The following KIFC3 variants were observed in gnomAD, a reference collection of about 807,000 sequenced individuals.
KIFC3 encodes the protein kinesin family member C3, also known as kinesin-like protein KIFC3.
KIFC3 carries 60 observed loss-of-function variants against 101.8 expected under a neutral mutation model. The observed-to-expected ratio is 0.59, with a 90% CI of 0.48 to 0.73. The LOEUF is 0.73. Among genes scored for constraint, KIFC3 ranks in the 30% least tolerant of loss-of-function variants. The pLI is 0.00. For synonymous variants in KIFC3, 476 were observed against 482.7 expected (o/e 0.99, Z 0.18); for missense variants, 966 against 1,137.1 (o/e 0.85, Z 2.16).
chr16:57,790,809 A>C, intron 3 of KIFC3: 6 of 580,868 alleles, frequency 1.0e-5, no homozygotes, highest in Non-Finnish European at 1.3e-5. Context: ...ACAATCAAAA[A>C]GCCAATACAG....
intron 1 of KIFC3, among the ~76,000 whole-genome samples, chr16:57,837,880 T>C (rs2149306432): frequency 6.6e-6 from 1 of 152,258 alleles, no homozygotes; most frequent in South Asian, 2.1e-4. Context: ...ACTTGCTTGC[T>C]GCGTGGATGG....
At chr16:57,832,834 C>T (rs375292428) in intron 1 of KIFC3, among the ~76,000 whole-genome samples, 58 of 152,248 alleles carry the variant, frequency 3.8e-4, no homozygotes, top group African/African-American at 1.2e-3. Context: ...GACATCCCTA[C>T]GGATATTTAG....
At position 57,775,930 on chromosome 16, in the gene KIFC3, C is replaced by T. The variant is rs566912407; in HGVS notation, c.316-3642G>A. 169 of 985,568 alleles carry T rather than the reference C, an allele frequency of 1.7e-4. No homozygotes were observed. The African/African-American group carries it at 2.8e-3, about 16-fold the overall frequency. 61.1% of individuals were successfully genotyped at this position (985,568 alleles called of 1,614,324 possible). ...TGAATCACGGGCCTGCTGCAGGGGG[C>T]GTCACCCTGCCTGCTCAAGGGGAAG... On this transcript the variant is annotated intron_variant, in intron 3 of 19. Transcript: ENST00000445690.
intron 3 of KIFC3, chr16:57,775,152 T>C: frequency 7.3e-7 from 1 of 1,364,514 alleles, no homozygotes; most frequent in Non-Finnish European, 9.4e-7. Context: ...GCTCCTGGGC[T>C]CTGTCCAGAA....
chr16:57,859,839 T>G (rs1473273960), intron 1 of KIFC3, among the ~76,000 whole-genome samples: 1 of 151,594 alleles, frequency 6.6e-6, no homozygotes, highest in Non-Finnish European at 1.5e-5. Context: ...CTGGCCAACA[T>G]GGTGAAACCT....
intron 11 of KIFC3, chr16:57,764,491 C>T: frequency 3.9e-6 from 2 of 518,866 alleles, no homozygotes; most frequent in Non-Finnish European, 7.0e-6. Context: ...TCCCCCAGCT[C>T]CTCCTGCTCT....
At chr16:57,841,582 G>A (rs2055810600) in intron 1 of KIFC3, among the ~76,000 whole-genome samples, 2 of 152,114 alleles carry the variant, frequency 1.3e-5, no homozygotes, top group Admixed American at 1.3e-4. Flanking sequence ...CAGGAGAATT[G>A]TTTGAAGCCG....
chr16:57,793,699 C>T (rs1383487304), intron 3 of KIFC3, among the ~76,000 whole-genome samples: 1 of 151,718 alleles, frequency 6.6e-6, no homozygotes, highest in Non-Finnish European at 1.5e-5. Context: ...TGTGATGATG[C>T]ACACCTGTAA....
At chr16:57,774,588 T>G (rs1165157051) in intron 3 of KIFC3, 2 of 205,142 alleles carry the variant, frequency 9.7e-6, no homozygotes, top group Non-Finnish European at 1.9e-5. Context: ...AGTGCCTCGA[T>G]CTAGGCTCAC....
At chr16:57,766,822 C>G in intron 10 of KIFC3, 52 bp downstream of exon 10, 1 of 1,314,168 alleles carries the variant, frequency 7.6e-7, no homozygotes, top group Non-Finnish European at 1.1e-6. Flanking sequence ...GACTGCCAAG[C>G]CAGGTCGAGG....
chr16:57,838,844 T>C, intron 1 of KIFC3, among the ~76,000 whole-genome samples: 1 of 152,098 alleles, frequency 6.6e-6, no homozygotes, highest in Non-Finnish European at 1.5e-5. Context: ...CGTCTCTGTG[T>C]GTGGAAATCA....
At chr16:57,860,441 G>A (rs1441171688) in intron 1 of KIFC3, among the ~76,000 whole-genome samples, 4 of 151,984 alleles carry the variant, frequency 2.6e-5, no homozygotes, top group African/African-American at 9.7e-5. Context: ...CAACAGGAGT[G>A]AAACTCTGTC....
At chr16:57,832,592 G>C (rs1254882739) in intron 1 of KIFC3, among the ~76,000 whole-genome samples, 2 of 152,024 alleles carry the variant, frequency 1.3e-5, no homozygotes, top group Admixed American at 1.3e-4. Context: ...TAAGATTATA[G>C]ACGTGAGCCA....
chr16:57,813,237 C>A (rs1303111813), intron 1 of KIFC3, among the ~76,000 whole-genome samples: 1 of 151,808 alleles, frequency 6.6e-6, no homozygotes, highest in African/African-American at 2.4e-5. Flanking sequence ...CTGAGGCAGG[C>A]GAATCACTTG....
At chr16:57,839,008 A>C in intron 1 of KIFC3, among the ~76,000 whole-genome samples, 1 of 152,054 alleles carries the variant, frequency 6.6e-6, no homozygotes, top group Admixed American at 6.6e-5. Flanking sequence ...TCTTACTAAA[A>C]CTGAGAATAG....
intron 1 of KIFC3, among the ~76,000 whole-genome samples, chr16:57,800,639 C>T (rs781792571): frequency 2.6e-5 from 4 of 152,070 alleles, no homozygotes; most frequent in South Asian, 2.1e-4. Flanking sequence ...GAGGAGATAG[C>T]GTTTCTGCGG....
chr16:57,807,907 G>A (rs2054971427), upstream of KIFC3: 1 of 124,768 alleles, frequency 8.0e-6, no homozygotes, highest in Non-Finnish European at 1.6e-5. Flanking sequence ...TCCAGCCTGG[G>A]CAACAGAGCA....
At chr16:57,773,164 G>T (rs2051509614) in intron 3 of KIFC3, among the ~76,000 whole-genome samples, 1 of 152,208 alleles carries the variant, frequency 6.6e-6, no homozygotes, top group Non-Finnish European at 1.5e-5. Flanking sequence ...TACTTTTCTT[G>T]CAGAACGTCC....
At chr16:57,787,544 C>T (rs1568024895) in intron 3 of KIFC3, among the ~76,000 whole-genome samples, 2 of 152,160 alleles carry the variant, frequency 1.3e-5, no homozygotes, top group South Asian at 2.1e-4. Flanking sequence ...AAGGGGAGGA[C>T]GGGAGGACAA....
Sources: gnomAD v4.1 joint callset for allele counts (sites outside exome capture counted in the v4.1 genomes callset) on GRCh38, gnomAD v4.1.1 for gene constraint, MANE v1.5 for transcripts, NCBI Gene and HGNC (gene_info 2026-07-23, HGNC 2026-07-21) for gene names.